Variants in STRA6 observed in about 807,000 individuals in gnomAD.
STRA6 encodes receptor for retinol uptake STRA6.
STRA6 carries 48 observed loss-of-function variants against 83.6 expected under a neutral mutation model. That is an observed-to-expected ratio of 0.57 (90% CI 0.46 to 0.73). The LOEUF is 0.73. STRA6 is among the 30% of genes least tolerant of loss of function. STRA6 has a pLI of 0.00. For synonymous variants in STRA6, 353 were observed against 362.3 expected (o/e 0.97, Z 0.29); for missense variants, 760 against 838.8 (o/e 0.91, Z 1.16).
chr15:74,196,361 C>T (rs555608926), intron 4 of STRA6: 2 of 729,992 alleles, frequency 2.7e-6, no homozygotes, highest in South Asian at 1.8e-5. Context: ...TTGGGACACA[C>T]ATACAGTGGG....
At chr15:74,184,934 C>T (rs368676854) in intron 13 of STRA6, 46 bp downstream of exon 13, 4 of 1,596,298 alleles carry the variant, frequency 2.5e-6, no homozygotes, top group African/African-American at 1.3e-5. Context: ...AGGACTCCCA[C>T]TCCTTCCCCA....
chr15:74,194,810 A>G, intron 7 of STRA6: 2 of 1,306,674 alleles, frequency 1.5e-6, no homozygotes, highest in Non-Finnish European at 1.9e-6. Flanking sequence ...AGCCTGTACC[A>G]TCACTCTTTG....
intron 8 of STRA6, among the ~76,000 whole-genome samples, chr15:74,192,615 T>C (rs926823956): frequency 6.6e-6 from 1 of 152,166 alleles, no homozygotes; most frequent in Non-Finnish European, 1.5e-5. Context: ...CAGGAGCACC[T>C]GCTCCTCCCT....
chr15:74,203,100 T>C, upstream of STRA6: 1 of 985,330 alleles, frequency 1.0e-6, no homozygotes, highest in Non-Finnish European at 1.2e-6. Flanking sequence ...AACAACCGAG[T>C]GAGACGGACC....
chr15:74,208,059 G>C (rs1028612105), intron 1 of STRA6: 1 of 1,284,508 alleles, frequency 7.8e-7, no homozygotes, highest in African/African-American at 1.5e-5. Context: ...TAACATAAAG[G>C]ATTTAGACCA....
Position 74,201,600 on chromosome 15 carries a change from A to G in STRA6, c.113+555T>C, listed in dbSNP as rs574054357. ...GGGCTGGCCTGAGCACTTCTGCTAA[A>G]GGGAATAGGCTCTCCTCATCCTCTG... is the stretch of plus-strand genomic sequence containing the variant. On this transcript the variant is annotated intron_variant, in intron 2 of 18. Transcript: ENST00000395105. Among the ~76,000 whole-genome samples the G allele has an allele frequency of 1.3e-4, 20 of 152,248 alleles. 1 individual carries two copies. Among genetic ancestry groups the G allele is most frequent in the African/African-American group, 4.1e-4 (17 of 41,560 alleles).
At chr15:74,189,318 G>GT in intron 11 of STRA6, 41 bp from the exon 12 acceptor site, 1 of 1,559,724 alleles carries the variant, frequency 6.4e-7, no homozygotes, top group Non-Finnish European at 8.7e-7. Flanking sequence ...CCAGGAAAGG[G>GT]TTTTCTGTGC....
intron 2 of STRA6, among the ~76,000 whole-genome samples, chr15:74,200,033 A>G (rs1240282467): frequency 6.6e-6 from 1 of 152,158 alleles, no homozygotes; most frequent in East Asian, 1.9e-4. Context: ...CCTGGCCAAC[A>G]TGATGAAACC....
At chr15:74,205,118 G>C (rs2074231846), upstream of STRA6, among the ~76,000 whole-genome samples, 1 of 152,168 alleles carries the variant, frequency 6.6e-6, no homozygotes, top group Non-Finnish European at 1.5e-5. Context: ...GGGAAGAGAA[G>C]AGAGACGGGA....
intron 7 of STRA6, among the ~76,000 whole-genome samples, chr15:74,194,180 T>C (rs2073697355): frequency 6.6e-6 from 1 of 151,402 alleles, no homozygotes; most frequent in Admixed American, 6.6e-5. Context: ...GAGGAGGAGA[T>C]CACTTGATTC....
upstream of STRA6, among the ~76,000 whole-genome samples, chr15:74,211,486 C>T (rs200076014): frequency 6.6e-5 from 10 of 151,106 alleles, no homozygotes; most frequent in East Asian, 1.4e-3. Context: ...CTGCAACCTC[C>T]GCCTCCTGGG....
In STRA6 at chr15:74,195,380, G is replaced by A. The variant is rs780903583; in HGVS notation, c.519C>T (p.His173=). 1.9e-6 allele frequency: 3 copies of A among 1,613,672 alleles called. No homozygotes were observed. Among genetic ancestry groups the A allele is most frequent in the South Asian group, 2.2e-5 (2 of 91,058 alleles). The stretch of plus-strand genomic sequence containing the variant: ...CCCAGGACAGCGTGCTGCCGAGCAG[G>A]TGTGCAGCTGTGTGGCCAGCCGTGG... ...ACATAGHTAA[H]LLGSTLSWAH... is the part of the protein sequence containing the mutation. The change falls in exon 7 of 19, where the codon CAC becomes CAT. Residue 173 remains histidine (H), a synonymous_variant. Transcript: ENST00000395105.
intron 7 of STRA6, chr15:74,194,978 A>G (rs2073739086): frequency 7.0e-7 from 1 of 1,431,298 alleles, no homozygotes; most frequent in South Asian, 1.5e-5. Flanking sequence ...GCCTGACCAA[A>G]GGGAAGCTGG....
chr15:74,197,564 G>A (rs1482497721), intron 3 of STRA6, 141 bp from the exon 4 acceptor site: 3 of 1,077,398 alleles, frequency 2.8e-6, no homozygotes, highest in African/African-American at 3.1e-5. Context: ...CTGGTCAAGG[G>A]GTGACAGACA....
At chr15:74,199,898 G>C (rs1234133170) in intron 2 of STRA6, among the ~76,000 whole-genome samples, 1 of 152,222 alleles carries the variant, frequency 6.6e-6, no homozygotes, top group African/African-American at 2.4e-5. Context: ...TGGGCAAAAG[G>C]AGGTGGTATC....
In STRA6 at chr15:74,196,115, C is replaced by T. The variant is rs1207628053; in HGVS notation, c.299G>A (p.Arg100Gln). 8 of 1,613,758 alleles carry T rather than the reference C, an allele frequency of 5.0e-6. No individual in the cohort carries two copies. The highest frequency in any genetic ancestry group is 2.7e-5 in the African/African-American group (2 of 74,880). The change falls in exon 5 of 19, where the codon CGG (arginine) becomes CAG (glutamine). Residue 100 changes from arginine to glutamine, a missense_variant. By Grantham distance (43) the Arg-to-Gln change is conservative (BLOSUM62 1). Coordinates refer to ENST00000395105, the MANE Select transcript of STRA6 (RefSeq NM_022369.4). ...CATGAAAACAGCAGCAGGCACTGCC[C>T]GGGGCCTGTCCCCAGCCAAGAAATC... is the stretch of plus-strand genomic sequence containing the variant. Reference protein sequence around the residue: ...PVDFLAGDRPRAVPAAVFMVL... With the variant: ...PVDFLAGDRPQAVPAAVFMVL...
intron 12 of STRA6, among the ~76,000 whole-genome samples, chr15:74,185,788 G>T (rs888923651): frequency 2.6e-5 from 4 of 152,246 alleles, no homozygotes; most frequent in African/African-American, 9.6e-5. Flanking sequence ...TGTTCCCACT[G>T]GGCTGAAGAG....
At position 74,180,235 on chromosome 15, in the gene STRA6, G is replaced by A. The variant is rs2072909998; in HGVS notation, c.1849C>T (p.Leu617=). The A allele has an allele frequency of 6.2e-7, 1 of 1,614,004 alleles. No individual in the cohort carries two copies. Among genetic ancestry groups the A allele is most frequent in the Non-Finnish European group, 8.5e-7 (1 of 1,180,036 alleles). ...GCCATGGAGTCCTTTGTCTGTAGCA[G>A]CTGCATCCCTGAGAGAGACGGACTT... ...RPGEEDEGMQ[L]LQTKDSMAKG... Residue 617 remains leucine (L), a synonymous_variant, in exon 19 of 19, where the codon CTG becomes TTG. Coordinates refer to ENST00000395105, the MANE Select transcript of STRA6 (RefSeq NM_022369.4).
Position 74,189,109 on chromosome 15 carries a change from C to G in STRA6, c.1090+6G>C. On this transcript the variant is annotated splice_donor_region_variant and intron_variant, in intron 12 of 18. Transcript: ENST00000395105. ...GCAGCCCTCAGGGGCTCCCTGGAGG[C>G]CTCACCTTCCAGAGCCCACAGATGG... 6.2e-7 allele frequency: 1 copy of G among 1,613,984 alleles called. No homozygotes were observed. The highest frequency in any genetic ancestry group is 8.5e-7 in the Non-Finnish European group (1 of 1,179,990).
Sources: allele counts gnomAD v4.1 joint callset (sites outside exome capture counted in the v4.1 genomes callset), GRCh38; gene constraint gnomAD v4.1.1; transcripts MANE v1.5; gene names NCBI Gene and HGNC (gene_info 2026-07-23, HGNC 2026-07-21).